TDRD7: variants seen among roughly 807,000 people sequenced by gnomAD.
The protein encoded by TDRD7 is tudor domain containing 7.
In TDRD7, 47 loss-of-function variants were observed where a neutral mutation model predicts 109.8. The ratio of observed to expected loss-of-function variants is 0.43; its 90% CI spans 0.34 to 0.55. TDRD7 has a LOEUF of 0.55. TDRD7 is among the 20% of genes least tolerant of loss of function. The pLI, the probability that TDRD7 is intolerant of heterozygous loss-of-function variation, is 0.03. For synonymous variants in TDRD7, 424 were observed against 457.3 expected (o/e 0.93, Z 0.93); for missense variants, 1,164 against 1,319.2 (o/e 0.88, Z 1.82).
intron 1 of TDRD7, among the ~76,000 whole-genome samples, chr9:97,414,978 A>G (rs1375812967): frequency 6.6e-6 from 1 of 152,216 alleles, no homozygotes; most frequent in Non-Finnish European, 1.5e-5. Flanking sequence ...CACAGACATT[A>G]TGGGACTTTA....
intron 16 of TDRD7, among the ~76,000 whole-genome samples, chr9:97,495,289 A>G (rs1369905832): frequency 6.6e-6 from 1 of 152,172 alleles, no homozygotes; most frequent in African/African-American, 2.4e-5. Flanking sequence ...TTGGTCCATC[A>G]GAAAAAAAAT....
At chr9:97,475,248 T>G in intron 11 of TDRD7, 135 bp from the exon 12 acceptor site, 1 of 731,126 alleles carries the variant, frequency 1.4e-6, no homozygotes, top group Non-Finnish European at 2.5e-6. Context: ...CCTGTGTGTT[T>G]GCTGCATCCA....
chr9:97,429,069 A>G (rs1828056123), intron 2 of TDRD7, among the ~76,000 whole-genome samples: 1 of 152,132 alleles, frequency 6.6e-6, no homozygotes, highest in Admixed American at 6.5e-5. Flanking sequence ...AATTCTCATC[A>G]AGTCAATTCC....
rs567485726 is a variant in TDRD7, at chr9:97,428,368, T to C, written c.-6-92T>C. 47 of 1,271,336 alleles carry C rather than the reference T, an allele frequency of 3.7e-5. 1 individual carries two copies. The African/African-American group carries it at 6.6e-4, about 18-fold the overall frequency. The allele number at this position is 1,271,336 out of a possible 1,614,324, so 78.8% of individuals were successfully genotyped here. A position where few individuals can be genotyped will look rare whatever the true frequency, so the allele number is the denominator to read the frequency against. ...TTGCACAGAAAGTATGCAGTAATAA[T>C]TTATAAAGTAACAAGTTTCAGCTCT... On this transcript the variant is annotated intron_variant, in intron 1 of 16. Coordinates refer to ENST00000355295, the MANE Select transcript of TDRD7 (RefSeq NM_014290.3).
At chr9:97,470,229 A>G (rs1396462558) in intron 8 of TDRD7, among the ~76,000 whole-genome samples, 4 of 152,184 alleles carry the variant, frequency 2.6e-5, no homozygotes, top group Non-Finnish European at 5.9e-5. Context: ...ACCAAAGGGG[A>G]GGGGAGCAGA....
intron 4 of TDRD7, among the ~76,000 whole-genome samples, chr9:97,437,071 T>C: frequency 6.6e-6 from 1 of 152,228 alleles, no homozygotes; most frequent in East Asian, 1.9e-4. Context: ...TAGTAGACTT[T>C]GTTCTTAGAT....
intron 15 of TDRD7, among the ~76,000 whole-genome samples, chr9:97,484,351 A>G (rs1423916695): frequency 6.6e-6 from 1 of 152,146 alleles, no homozygotes; most frequent in African/African-American, 2.4e-5. Context: ...CTTTCCACTC[A>G]GGCCATGAAG....
chr9:97,423,391 G>C (rs1827929649), intron 1 of TDRD7, among the ~76,000 whole-genome samples: 1 of 147,342 alleles, frequency 6.8e-6, no homozygotes. Context: ...ATGGTAATTT[G>C]TGCCTTCTTT....
At chr9:97,443,038 TC>T (rs1202460252) in intron 6 of TDRD7, among the ~76,000 whole-genome samples, 1 of 152,154 alleles carries the variant, frequency 6.6e-6, no homozygotes, top group Non-Finnish European at 1.5e-5. Context: ...CCTCAGGTGA[TC>T]CGCCCACCTC....
intron 3 of TDRD7, among the ~76,000 whole-genome samples, chr9:97,431,474 A>G (rs1828103095): frequency 6.6e-6 from 1 of 152,174 alleles, no homozygotes; most frequent in South Asian, 2.1e-4. Context: ...TGAATTATGT[A>G]GTACAGAGAA....
chr9:97,458,930 TTAC>T (rs2131147252), intron 6 of TDRD7, among the ~76,000 whole-genome samples: 1 of 152,300 alleles, frequency 6.6e-6, no homozygotes, highest in Admixed American at 6.5e-5. Context: ...TCAGTGTTCT[TTAC>T]TAATAAGCTA....
chr9:97,429,212 G>T (rs188584434), intron 2 of TDRD7, among the ~76,000 whole-genome samples: 1 of 151,962 alleles, frequency 6.6e-6, no homozygotes, highest in Non-Finnish European at 1.5e-5. Context: ...TCATTATACC[G>T]TTTTAAATCC....
In TDRD7 at chr9:97,432,200, TC is replaced by T; in HGVS notation, c.527del (p.Pro176GlnfsTer6). 1 of 1,613,806 alleles carries T rather than the reference TC, an allele frequency of 6.2e-7. No individual in the cohort carries two copies. The highest frequency in any genetic ancestry group is 8.5e-7 in the Non-Finnish European group (1 of 1,179,740). On this transcript the variant is annotated frameshift_variant, in exon 4 of 17. Transcript: ENST00000355295. LOFTEE classifies it high-confidence loss of function. Reference sequence around the variant, plus strand: ...TTGGAAATGAAGCATTCAAAGACATTCCAGTGCAAAGGCATGTGACCATGTC... The same window carrying T: ...TTGGAAATGAAGCATTCAAAGACATTCAGTGCAAAGGCATGTGACCATGTC... ...TLGNEAFKDI[P>X]VQRHVTMSTN...
At chr9:97,437,702 G>GTC (rs899656216) in intron 4 of TDRD7, among the ~76,000 whole-genome samples, 26 of 152,162 alleles carry the variant, frequency 1.7e-4, no homozygotes, top group African/African-American at 6.3e-4. Context: ...GACAGTTACT[G>GTC]TCTGACATAA....
At position 97,412,729 on chromosome 9, in the gene TDRD7, G is replaced by A. The variant is rs1481772441; in HGVS notation, c.-7+491G>A. Reference sequence around the variant, plus strand: ...CTCTTGAAGGTCTCTATAATCTGGAGACGAGCCCCAGGCAGGCCGCTTAAG... The same window carrying A: ...CTCTTGAAGGTCTCTATAATCTGGAAACGAGCCCCAGGCAGGCCGCTTAAG... On this transcript the variant is annotated intron_variant, in intron 1 of 16. Coordinates refer to ENST00000355295, the MANE Select transcript of TDRD7 (RefSeq NM_014290.3). This position sits in a 1 kb window ranked among gnomAD's most constrained non-coding sequence, Gnocchi z 4.3. Among the ~76,000 whole-genome samples the A allele has an allele frequency of 6.6e-6, 1 of 152,226 alleles. No individual in the cohort carries two copies. Among genetic ancestry groups the A allele is most frequent in the Non-Finnish European group, 1.5e-5 (1 of 68,044 alleles).
intron 1 of TDRD7, among the ~76,000 whole-genome samples, chr9:97,415,882 A>G (rs888178878): frequency 7.2e-5 from 11 of 152,246 alleles, no homozygotes; most frequent in Admixed American, 4.6e-4. Flanking sequence ...TATAATTGCC[A>G]TCTTCCGAAA....
At chr9:97,421,737 TG>T (rs1446217891) in intron 1 of TDRD7, among the ~76,000 whole-genome samples, 1 of 136,334 alleles carries the variant, frequency 7.3e-6, no homozygotes, top group Non-Finnish European at 1.6e-5. Flanking sequence ...TGTGTGTGTG[TG>T]TGTGTGAAGA....
rs1828096035 is a variant in TDRD7 at position 97,431,035 on chromosome 9, C to G, written c.310C>G (p.Gln104Glu). 1.9e-6 allele frequency: 3 copies of G among 1,613,770 alleles called. No homozygotes were observed. The highest frequency in any genetic ancestry group is 3.3e-5 in the Admixed American group (2 of 59,976). Residue 104 changes from glutamine to glutamate, a missense_variant, in exon 3 of 17, where the codon CAG (glutamine) becomes GAG (glutamate). Gln to Glu is a conservative substitution (Grantham distance 29). Coordinates refer to ENST00000355295, the MANE Select transcript of TDRD7 (RefSeq NM_014290.3). ...GAAAACCGGGCGTCAAGTTAATTGT[C>G]AGATGAGAGTGAAGAAAACCATGCC... is the stretch of plus-strand genomic sequence containing the variant. ...KRKTGRQVNC[Q>E]MRVKKTMPFF...
At chr9:97,448,847 T>C (rs1359880154) in intron 6 of TDRD7, among the ~76,000 whole-genome samples, 6 of 152,220 alleles carry the variant, frequency 3.9e-5, no homozygotes, top group Admixed American at 3.9e-4. Flanking sequence ...TTTGGAAAGC[T>C]TGATTTAACT....
Sources: allele counts gnomAD v4.1 joint callset (sites outside exome capture counted in the v4.1 genomes callset), GRCh38; gene constraint gnomAD v4.1.1; non-coding constraint Gnocchi (gnomAD v3.1); transcripts MANE v1.5; gene names NCBI Gene and HGNC (gene_info 2026-07-23, HGNC 2026-07-21).